PCDH9: variants seen among roughly 807,000 people sequenced by gnomAD.
The protein encoded by PCDH9 is protocadherin 9.
Under a neutral mutation model 70.6 loss-of-function variants are expected in PCDH9, and 24 were observed. The ratio of observed to expected loss-of-function variants is 0.34; its 90% CI spans 0.25 to 0.48. PCDH9 has a LOEUF of 0.48. Ranked by LOEUF, PCDH9 falls within the 20% of genes least tolerant of loss-of-function variation. The probability of loss-of-function intolerance (pLI) is 0.99; values close to 1 mark genes in which losing one functional copy is unlikely to be tolerated. For synonymous variants in PCDH9, 562 were observed against 558.5 expected (o/e 1.01, Z -0.09); for missense variants, 1,281 against 1,503.6 (o/e 0.85, Z 2.45).
At chr13:66,818,588 G>A (rs2080649559) in intron 3 of PCDH9, among the ~76,000 whole-genome samples, 2 of 152,138 alleles carry the variant, frequency 1.3e-5, no homozygotes, top group Non-Finnish European at 2.9e-5. Flanking sequence ...CTTCCACACT[G>A]TAAATCCTGG....
At chr13:66,985,211 G>A (rs1385618850) in intron 2 of PCDH9, among the ~76,000 whole-genome samples, 1 of 151,968 alleles carries the variant, frequency 6.6e-6, no homozygotes, top group African/African-American at 2.4e-5. Flanking sequence ...ACCTTGACAA[G>A]AATATATATT....
intron 3 of PCDH9, among the ~76,000 whole-genome samples, chr13:66,758,810 G>A (rs1182048342): frequency 6.6e-5 from 10 of 151,892 alleles, no homozygotes; most frequent in African/African-American, 2.4e-4. Context: ...ACTCCTTACT[G>A]ATCTATTTAG....
chr13:66,459,152 C>G (rs2138447771), intron 4 of PCDH9, among the ~76,000 whole-genome samples: 1 of 151,952 alleles, frequency 6.6e-6, no homozygotes, highest in Admixed American at 6.6e-5. Context: ...CCTGATGTTT[C>G]AGGTGTAAGA....
intron 3 of PCDH9, among the ~76,000 whole-genome samples, chr13:66,671,194 G>A (rs1054402127): frequency 8.5e-5 from 13 of 152,110 alleles, no homozygotes; most frequent in African/African-American, 2.9e-4. Flanking sequence ...CGATGGTGAG[G>A]CTCCCCAGCC....
chr13:67,042,210 T>C (rs1436978823), intron 2 of PCDH9, among the ~76,000 whole-genome samples: 1 of 152,128 alleles, frequency 6.6e-6, no homozygotes, highest in African/African-American at 2.4e-5. Flanking sequence ...TGTGTGTATG[T>C]GTGTGTGTTA....
chr13:67,028,514 C>T (rs1280805996), intron 2 of PCDH9, among the ~76,000 whole-genome samples: 1 of 151,514 alleles, frequency 6.6e-6, no homozygotes, highest in African/African-American at 2.4e-5. Context: ...CACATGTACA[C>T]ATATGTAACT....
At chr13:66,925,906 C>T (rs1275061269) in intron 2 of PCDH9, among the ~76,000 whole-genome samples, 1 of 151,900 alleles carries the variant, frequency 6.6e-6, no homozygotes, top group Non-Finnish European at 1.5e-5. Context: ...ACAGCAATGG[C>T]AATAGTAATA....
intron 4 of PCDH9, among the ~76,000 whole-genome samples, chr13:66,570,017 G>A (rs1387903793): frequency 6.6e-6 from 1 of 152,068 alleles, no homozygotes; most frequent in Non-Finnish European, 1.5e-5. Flanking sequence ...CAGTCCAAAT[G>A]TCTTTCAACA....
At chr13:67,076,415 CGAA>C (rs1188510741) in intron 2 of PCDH9, among the ~76,000 whole-genome samples, 3 of 151,896 alleles carry the variant, frequency 2.0e-5, no homozygotes, top group Admixed American at 6.6e-5. Flanking sequence ...ATAATAAAGC[CGAA>C]GAAGAAGTTT....
chr13:66,895,350 T>C (rs902978330), intron 3 of PCDH9, among the ~76,000 whole-genome samples: 2 of 152,204 alleles, frequency 1.3e-5, no homozygotes, highest in African/African-American at 4.8e-5. Flanking sequence ...TAACTCAACA[T>C]AAGCACACTT....
intron 4 of PCDH9, among the ~76,000 whole-genome samples, chr13:66,546,517 G>A (rs1230653924): frequency 6.6e-6 from 1 of 152,140 alleles, no homozygotes; most frequent in African/African-American, 2.4e-5. Context: ...CCTGTTTTAA[G>A]CTAAGTGTTA....
intron 3 of PCDH9, chr13:66,879,968 G>C (rs1386184090): frequency 1.3e-5 from 2 of 152,058 alleles, no homozygotes; most frequent in African/African-American, 4.8e-5. Context: ...ACAAATGAAT[G>C]CAAACAAATC....
intron 4 of PCDH9, among the ~76,000 whole-genome samples, chr13:66,442,781 T>A (rs1958000066): frequency 6.6e-6 from 1 of 152,192 alleles, no homozygotes; most frequent in Non-Finnish European, 1.5e-5. Context: ...ATTTGGACTC[T>A]CCTCACATAG....
intron 2 of PCDH9, among the ~76,000 whole-genome samples, chr13:67,165,347 T>C (rs1594600246): frequency 6.6e-6 from 1 of 152,156 alleles, no homozygotes; most frequent in East Asian, 1.9e-4. Flanking sequence ...TAATAAAAAA[T>C]TCAGCATTCC....
intron 3 of PCDH9, among the ~76,000 whole-genome samples, chr13:66,775,724 T>G (rs1197413481): frequency 6.6e-6 from 1 of 152,216 alleles, no homozygotes; most frequent in African/African-American, 2.4e-5. Flanking sequence ...TTAATTAAAT[T>G]TTTAAGCCAT....
intron 4 of PCDH9, among the ~76,000 whole-genome samples, chr13:66,583,591 G>A (rs1483457985): frequency 1.3e-5 from 2 of 151,500 alleles, no homozygotes; most frequent in African/African-American, 4.9e-5. Flanking sequence ...TCCAGTCTGG[G>A]TGACAGAGTG....
At chr13:66,625,510 G>A (rs2077486233) in intron 4 of PCDH9, among the ~76,000 whole-genome samples, 1 of 151,912 alleles carries the variant, frequency 6.6e-6, no homozygotes, top group Non-Finnish European at 1.5e-5. Flanking sequence ...ATTGAATGCT[G>A]ATGTAATCGT....
At chr13:66,694,143 T>C (rs957323287) in intron 3 of PCDH9, among the ~76,000 whole-genome samples, 1 of 152,206 alleles carries the variant, frequency 6.6e-6, no homozygotes, top group Admixed American at 6.5e-5. Flanking sequence ...ATGGGTGACA[T>C]TGCAACTCAA....
At chr13:66,994,149 T>A (rs1459609838) in intron 2 of PCDH9, among the ~76,000 whole-genome samples, 1 of 152,172 alleles carries the variant, frequency 6.6e-6, no homozygotes, top group East Asian at 1.9e-4. Flanking sequence ...CAGAGCCCTA[T>A]GGAATTGGGA....
Sources: gnomAD v4.1 joint callset for allele counts (sites outside exome capture counted in the v4.1 genomes callset) on GRCh38, gnomAD v4.1.1 for gene constraint, MANE v1.5 for transcripts, NCBI Gene and HGNC (gene_info 2026-07-23, HGNC 2026-07-21) for gene names.